The following YPEL2 variants were observed in gnomAD, a reference collection of about 807,000 sequenced individuals.
The protein encoded by YPEL2 is yippee like 2, also known as protein yippee-like 2.
Under a neutral mutation model 19.1 loss-of-function variants are expected in YPEL2, and 2 were observed. That is an observed-to-expected ratio of 0.10 (90% CI 0.04 to 0.33). The LOEUF (loss-of-function observed/expected upper bound fraction) is 0.33, where lower values mean the gene tolerates loss of function less well. Ranked by LOEUF, YPEL2 falls within the 10% of genes least tolerant of loss-of-function variation. The pLI, the probability that YPEL2 is intolerant of heterozygous loss-of-function variation, is 1.00. For synonymous variants in YPEL2, 52 were observed against 50.0 expected (o/e 1.04, Z -0.17); for missense variants, 66 against 140.7 (o/e 0.47, Z 2.68).
intron 2 of YPEL2, among the ~76,000 whole-genome samples, chr17:59,382,896 G>A (rs1188562083): frequency 2.0e-5 from 3 of 152,102 alleles, no homozygotes; most frequent in Non-Finnish European, 4.4e-5. Flanking sequence ...TCCTGCCTCG[G>A]CCTCCCAAAG....
intron 2 of YPEL2, among the ~76,000 whole-genome samples, chr17:59,383,756 T>C (rs1416850780): frequency 2.7e-5 from 4 of 149,996 alleles, no homozygotes; most frequent in African/African-American, 7.4e-5. Context: ...CTAACTCTTA[T>C]AGTTAAACAT....
intron 4 of YPEL2, among the ~76,000 whole-genome samples, chr17:59,392,425 C>T (rs113325113): frequency 4.9e-4 from 74 of 151,770 alleles, no homozygotes; most frequent in Admixed American, 2.5e-3. Context: ...CTGACAAGTA[C>T]TGTGATGTGC....
intron 2 of YPEL2, among the ~76,000 whole-genome samples, chr17:59,368,834 ACTT>A (rs2047883206): frequency 1.3e-5 from 2 of 152,224 alleles, no homozygotes; most frequent in Non-Finnish European, 2.9e-5. Flanking sequence ...TGGAAAATCA[ACTT>A]CTTTAGCTTC....
chr17:59,354,700 AAGCGTAC>A (rs1214314674), intron 2 of YPEL2: 1 of 152,270 alleles, frequency 6.6e-6, no homozygotes, highest in East Asian at 1.9e-4. Flanking sequence ...ACAGAGCTTG[AAGCGTAC>A]AGCCCCTTAG....
intron 4 of YPEL2, among the ~76,000 whole-genome samples, chr17:59,390,157 T>G (rs1222158398): frequency 6.6e-6 from 1 of 152,070 alleles, no homozygotes; most frequent in African/African-American, 2.4e-5. Flanking sequence ...CGCGTCACCA[T>G]GCCTGGCTTA....
chr17:59,371,306 G>T (rs547526250), intron 2 of YPEL2, among the ~76,000 whole-genome samples: 1 of 152,340 alleles, frequency 6.6e-6, no homozygotes, highest in South Asian at 2.1e-4. Context: ...TGCAGGCATA[G>T]TGGGCTCTGC....
Position 59,397,979 on chromosome 17 carries a change from G to C in YPEL2, c.*789G>C, listed in dbSNP as rs1483226714. On this transcript the variant is annotated 3_prime_UTR_variant, in exon 5 of 5. Coordinates refer to ENST00000312655, the MANE Select transcript of YPEL2 (RefSeq NM_001005404.4). Reference sequence around the variant, plus strand: ...GTAGATAAGGTGTGAAGGGACTGCTGTTTGCAATGGGCTTACCATCCAAAT... The same window carrying C: ...GTAGATAAGGTGTGAAGGGACTGCTCTTTGCAATGGGCTTACCATCCAAAT... 6.6e-6 allele frequency: 1 copy of C among 152,304 alleles called. No individual in the cohort carries two copies. The highest frequency in any genetic ancestry group is 1.5e-5 in the Non-Finnish European group (1 of 68,100). The allele number at this position is 152,304 out of a possible 1,614,324, so 9.4% of individuals were successfully genotyped here.
At chr17:59,385,905 T>C (rs554701038) in intron 2 of YPEL2, among the ~76,000 whole-genome samples, 62 of 152,362 alleles carry the variant, frequency 4.1e-4, no homozygotes, top group Non-Finnish European at 4.7e-4. Flanking sequence ...AGATGCACAT[T>C]CTTATGTGTT....
At chr17:59,342,880 C>T (rs2047738621) in intron 1 of YPEL2, among the ~76,000 whole-genome samples, 1 of 152,164 alleles carries the variant, frequency 6.6e-6, no homozygotes, top group South Asian at 2.1e-4. Context: ...GAAGAAGACT[C>T]CTAGGTTGGA....
At chr17:59,360,203 A>C (rs1313173813) in intron 2 of YPEL2, among the ~76,000 whole-genome samples, 3 of 152,154 alleles carry the variant, frequency 2.0e-5, no homozygotes, top group Admixed American at 6.5e-5. Flanking sequence ...CAGCCTCCCG[A>C]GTAGCTGGGA....
At chr17:59,355,438 CAG>C in intron 2 of YPEL2, 1 of 152,310 alleles carries the variant, frequency 6.6e-6, no homozygotes, top group East Asian at 1.9e-4. Context: ...GACAATTTGG[CAG>C]AGTCTGGCTT....
intron 1 of YPEL2, among the ~76,000 whole-genome samples, chr17:59,334,571 A>C (rs201462474): frequency 1.6e-3 from 237 of 145,236 alleles, no homozygotes; most frequent in African/African-American, 5.9e-3. Context: ...TTCAGGCACA[A>C]ACACACACAC....
chr17:59,354,655 C>T (rs2047803681), intron 2 of YPEL2: 1 of 152,260 alleles, frequency 6.6e-6, no homozygotes, highest in Admixed American at 6.5e-5. Context: ...GACCGAACCT[C>T]TTGTTCTAGC....
At chr17:59,361,270 T>C (rs943315881) in intron 2 of YPEL2, among the ~76,000 whole-genome samples, 3 of 152,224 alleles carry the variant, frequency 2.0e-5, no homozygotes, top group African/African-American at 7.2e-5. Flanking sequence ...CCATTCTGTC[T>C]TTGCACAAAT....
At chr17:59,349,646 C>G (rs2047777552) in intron 1 of YPEL2, among the ~76,000 whole-genome samples, 1 of 151,976 alleles carries the variant, frequency 6.6e-6, no homozygotes, top group South Asian at 2.1e-4. Context: ...CCGGCCCCCA[C>G]AGGCTGGCCT....
chr17:59,394,087 C>T (rs1280163861), intron 4 of YPEL2, among the ~76,000 whole-genome samples: 2 of 150,858 alleles, frequency 1.3e-5, no homozygotes, highest in South Asian at 2.1e-4. Context: ...CCAGTAGGGG[C>T]GGCCGGGCAG....
chr17:59,380,460 G>A (rs1478867133), intron 2 of YPEL2, among the ~76,000 whole-genome samples: 1 of 151,768 alleles, frequency 6.6e-6, no homozygotes, highest in African/African-American at 2.4e-5. Flanking sequence ...AGTAGAGACG[G>A]GGTTTCGCCA....
intron 2 of YPEL2, among the ~76,000 whole-genome samples, chr17:59,381,380 G>T (rs1028180839): frequency 1.3e-5 from 2 of 152,182 alleles, no homozygotes; most frequent in African/African-American, 4.8e-5. Context: ...AGACAGAGAA[G>T]GGGGCTGAAG....
intron 1 of YPEL2, among the ~76,000 whole-genome samples, 198 bp downstream of exon 1, chr17:59,332,022 C>G (rs1468415805): frequency 6.6e-6 from 1 of 151,696 alleles, no homozygotes; most frequent in Non-Finnish European, 1.5e-5. Flanking sequence ...GCCACGTGAC[C>G]GGTTTGTTTA....
Sources: gnomAD v4.1 joint callset for allele counts (sites outside exome capture counted in the v4.1 genomes callset) on GRCh38, gnomAD v4.1.1 for gene constraint, MANE v1.5 for transcripts, NCBI Gene and HGNC (gene_info 2026-07-23, HGNC 2026-07-21) for gene names.